The following CDH3 variants were observed in gnomAD, a reference collection of about 807,000 sequenced individuals.
The protein encoded by CDH3 is cadherin 3.
In CDH3, 54 loss-of-function variants were observed where a neutral mutation model predicts 82.0. The ratio of observed to expected loss-of-function variants is 0.66; its 90% CI spans 0.53 to 0.83. The LOEUF (loss-of-function observed/expected upper bound fraction) is 0.83, where lower values mean the gene tolerates loss of function less well. Among genes scored for constraint, CDH3 ranks in the 40% least tolerant of loss-of-function variants. CDH3 has a pLI of 0.00. For missense variants in CDH3, 1,054 were observed against 1,084.6 expected (o/e 0.97, Z 0.40); for synonymous variants, 446 against 437.9 (o/e 1.02, Z -0.23).
At position 68,684,843 on chromosome 16, in the gene CDH3, C is replaced by G. The variant is rs1381046923; in HGVS notation, c.1424+19C>G. ...AGATCAGGTACTCAGGAGCTGGGCT[C>G]AGTAAGCAGCACGTACTGGTACAGT... On this transcript the variant is annotated intron_variant, in intron 10 of 15. Transcript: ENST00000264012. 1 of 1,613,804 alleles carries G rather than the reference C, an allele frequency of 6.2e-7. No individual in the cohort carries two copies. The highest frequency in any genetic ancestry group is 8.5e-7 in the Non-Finnish European group (1 of 1,179,982).
chr16:68,684,843 C>T lies in CDH3; in HGVS notation c.1424+19C>T, dbSNP rs1381046923. The T allele has an allele frequency of 1.2e-6, 2 of 1,613,920 alleles. No homozygotes were observed. The highest frequency in any genetic ancestry group is 2.2e-5 in the East Asian group (1 of 44,880). ...AGATCAGGTACTCAGGAGCTGGGCT[C>T]AGTAAGCAGCACGTACTGGTACAGT... On this transcript the variant is annotated intron_variant, in intron 10 of 15. Transcript: ENST00000264012.
At chr16:68,687,482 G>A in intron 11 of CDH3, 30 bp from the exon 12 acceptor site, 2 of 1,588,982 alleles carry the variant, frequency 1.3e-6, no homozygotes, top group Non-Finnish European at 8.6e-7. Flanking sequence ...TGGGTCACAG[G>A]GAGCTCATCA....
intron 2 of CDH3, among the ~76,000 whole-genome samples, chr16:68,671,002 G>C (rs527673115): frequency 6.6e-6 from 1 of 152,132 alleles, no homozygotes; most frequent in African/African-American, 2.4e-5. Context: ...GAGCCCGGGA[G>C]GTGGAGGTTG....
intron 1 of CDH3, among the ~76,000 whole-genome samples, chr16:68,715,565 G>A (rs1168854075): frequency 1.3e-5 from 2 of 152,120 alleles, no homozygotes; most frequent in Admixed American, 1.3e-4. Flanking sequence ...CAGAGACATA[G>A]CCCCACTCCA....
At chr16:68,719,525 T>TTC (rs1232768024) in intron 1 of CDH3, among the ~76,000 whole-genome samples, 1 of 147,090 alleles carries the variant, frequency 6.8e-6, no homozygotes, top group Non-Finnish European at 1.5e-5. Flanking sequence ...TTTTTTTTTT[T>TTC]GAGAGGGAGT....
intron 2 of CDH3, among the ~76,000 whole-genome samples, chr16:68,670,181 G>T (rs573063115): frequency 2.2e-5 from 3 of 137,920 alleles, no homozygotes; most frequent in Non-Finnish European, 4.5e-5. Flanking sequence ...CCGAGATTGC[G>T]CCACTGCACT....
intron 7 of CDH3, 104 bp from the exon 8 acceptor site, chr16:68,680,864 C>A (rs773998179): frequency 5.6e-5 from 70 of 1,255,152 alleles, no homozygotes; most frequent in Non-Finnish European, 7.9e-5. Context: ...AGGGAGAGAT[C>A]CTCCTCTCCA....
chr16:68,728,085 A>T (rs1434886248), downstream of CDH3, among the ~76,000 whole-genome samples: 1 of 152,226 alleles, frequency 6.6e-6, no homozygotes, highest in Non-Finnish European at 1.5e-5. Context: ...AGCCTGATAC[A>T]TAATTGGCTT....
chr16:68,688,925 G>A (rs1402598860), intron 12 of CDH3, among the ~76,000 whole-genome samples: 4 of 152,130 alleles, frequency 2.6e-5, no homozygotes, highest in African/African-American at 9.7e-5. Context: ...TGGCCTATCA[G>A]GATTTTAATC....
At chr16:68,650,959 A>T in intron 2 of CDH3, 1 of 191,942 alleles carries the variant, frequency 5.2e-6, no homozygotes, top group Non-Finnish European at 1.1e-5. Context: ...AAAAAAGAAG[A>T]GGAAAACGTA....
Position 68,685,322 on chromosome 16 carries a change from T to C in CDH3, c.1542T>C (p.Tyr514=). 1 of 1,614,076 alleles carries C rather than the reference T, an allele frequency of 6.2e-7. No individual in the cohort carries two copies. Among genetic ancestry groups the C allele is most frequent in the Non-Finnish European group, 8.5e-7 (1 of 1,180,012 alleles). Residue 514 remains tyrosine (Y), a synonymous_variant, in exon 11 of 16, where the codon TAT becomes TAC. Transcript: ENST00000264012. ...AGCAGTTTGTGAGGAACAACATCTATGAAGTCATGGTCTTGGCCATGGACA... is the reference window on the plus strand; with the variant it reads ...AGCAGTTTGTGAGGAACAACATCTACGAAGTCATGGTCTTGGCCATGGACA... ...EDEQFVRNNI[Y]EVMVLAMDNG...
rs544915574 is a variant in CDH3 at position 68,727,203 on chromosome 16, C to T, written c.*96C>T. Among the ~76,000 whole-genome samples the T allele has an allele frequency of 3.9e-5, 6 of 152,286 alleles. No homozygotes were observed. The South Asian group carries it at 6.2e-4, about 16-fold the overall frequency. The stretch of plus-strand genomic sequence containing the variant: ...TAAACATCAGAACTCCAGGGTCTCT[C>T]GCCTTTTGACTCTGGGATTTGTACC... On this transcript the variant is annotated 3_prime_UTR_variant, in exon 3 of 3. Transcript: ENST00000569080.
Position 68,645,620 on chromosome 16 carries a change from C to A in CDH3, c.46-16C>A. The A allele has an allele frequency of 6.5e-7, 1 of 1,537,924 alleles. No homozygotes were observed. Among genetic ancestry groups the A allele is most frequent in the Non-Finnish European group, 8.7e-7 (1 of 1,144,394 alleles). On this transcript the variant is annotated splice_polypyrimidine_tract_variant and intron_variant, in intron 1 of 15. Coordinates refer to ENST00000264012, the MANE Select transcript of CDH3 (RefSeq NM_001793.6). Reference sequence around the variant, plus strand: ...GCCTGGACCCAGCCTCCTTCACTCTCTGCCCTCGGGCGCAGGTTTGCTGGC... The same window carrying A: ...GCCTGGACCCAGCCTCCTTCACTCTATGCCCTCGGGCGCAGGTTTGCTGGC...
At chr16:68,724,888 G>C (rs1419197144) in intron 2 of CDH3, among the ~76,000 whole-genome samples, 2 of 152,138 alleles carry the variant, frequency 1.3e-5, no homozygotes. Flanking sequence ...GGCTGAACTT[G>C]GCAGGGAGTG....
Position 68,680,054 on chromosome 16 carries a change from C to T in CDH3, c.867+80C>T. ...TGACTCTGAGAGCAGAAGCTCCTAT[C>T]CCTGCCCACAAAGCCCAAGGCAGAA... On this transcript the variant is annotated intron_variant, in intron 7 of 15. Transcript: ENST00000264012. 3 of 1,387,340 alleles carry T rather than the reference C, an allele frequency of 2.2e-6. No homozygotes were observed. The South Asian group carries it at 3.5e-5, about 16-fold the overall frequency. 85.9% of individuals were successfully genotyped at this position (1,387,340 alleles called of 1,614,324 possible). A position where few individuals can be genotyped will look rare whatever the true frequency, so the allele number is the denominator to read the frequency against.
intron 12 of CDH3, among the ~76,000 whole-genome samples, chr16:68,689,117 T>C (rs72785141): frequency 6.6e-6 from 1 of 152,380 alleles, no homozygotes; most frequent in Non-Finnish European, 1.5e-5. Flanking sequence ...CTCTACTCCA[T>C]GTGACCTCAG....
chr16:68,725,398 A>AT (rs1211620423), intron 2 of CDH3, among the ~76,000 whole-genome samples: 1 of 151,386 alleles, frequency 6.6e-6, no homozygotes, highest in African/African-American at 2.4e-5. Context: ...CAGTGGCCCG[A>AT]TCTCGGCTCA....
chr16:68,656,808 C>G (rs767029733), intron 2 of CDH3, among the ~76,000 whole-genome samples: 4 of 152,186 alleles, frequency 2.6e-5, no homozygotes, highest in Non-Finnish European at 5.9e-5. Flanking sequence ...TCCACAGGCC[C>G]CTGCTAATCG....
At chr16:68,710,185 C>T (rs1458487436) in intron 1 of CDH3, among the ~76,000 whole-genome samples, 4 of 152,162 alleles carry the variant, frequency 2.6e-5, no homozygotes, top group African/African-American at 7.2e-5. Flanking sequence ...GCACTGGCTG[C>T]GCTCTGCACC....
Sources: gnomAD v4.1 joint callset for allele counts (sites outside exome capture counted in the v4.1 genomes callset) on GRCh38, gnomAD v4.1.1 for gene constraint, MANE v1.5 for transcripts, NCBI Gene and HGNC (gene_info 2026-07-23, HGNC 2026-07-21) for gene names.